The following HTR2C variants were observed in gnomAD, a reference collection of about 807,000 sequenced individuals.
The protein encoded by HTR2C is 5-hydroxytryptamine receptor 2C.
In HTR2C, 5 loss-of-function variants were observed where a neutral mutation model predicts 21.0. That is an observed-to-expected ratio of 0.24 (90% CI 0.12 to 0.50). The LOEUF is 0.50. Among genes scored for constraint, HTR2C ranks in the 20% least tolerant of loss-of-function variants. The pLI, the probability that HTR2C is intolerant of heterozygous loss-of-function variation, is 0.98. For synonymous variants in HTR2C, 150 were observed against 145.3 expected (o/e 1.03, Z -0.23); for missense variants, 271 against 371.2 (o/e 0.73, Z 2.22).
chrX:114,677,698 G>A (rs1292253517), intron 2 of HTR2C, among the ~76,000 whole-genome samples: 2 of 111,640 alleles, frequency 1.8e-5, no homozygotes, highest in Non-Finnish European at 3.8e-5. Flanking sequence ...GGCCTTTAAT[G>A]TATGTAAACA....
chrX:114,845,796 G>A (rs1254968172), intron 4 of HTR2C, among the ~76,000 whole-genome samples: 1 of 108,996 alleles, frequency 9.2e-6, no homozygotes, highest in African/African-American at 3.3e-5. Context: ...GATTACTTGA[G>A]CCTATGAGTT....
intron 2 of HTR2C, among the ~76,000 whole-genome samples, chrX:114,701,034 C>A (rs1214779255): frequency 4.5e-5 from 5 of 112,299 alleles, no homozygotes; most frequent in East Asian, 2.8e-4. Context: ...CCCAGGCTTG[C>A]TTAGGTAAAC....
At chrX:114,606,392 T>G (rs1602632508) in intron 1 of HTR2C, among the ~76,000 whole-genome samples, 1 of 111,800 alleles carries the variant, frequency 8.9e-6, no homozygotes, top group Non-Finnish European at 1.9e-5. Context: ...CTGCGTGGTC[T>G]GACACCCTTG....
intron 4 of HTR2C, among the ~76,000 whole-genome samples, chrX:114,749,453 CAAAAAAAAAAAAAAA>C (rs782652879): frequency 2.9e-4 from 12 of 41,908 alleles, no homozygotes; most frequent in Non-Finnish European, 4.5e-4. Context: ...GTCCATGTCT[CAAAAAAAAAAAAAAA>C]AAAAAAAAGA....
chrX:114,707,798 ACT>A (rs1556418561), intron 2 of HTR2C, among the ~76,000 whole-genome samples: 2 of 109,852 alleles, frequency 1.8e-5, no homozygotes, highest in Non-Finnish European at 3.8e-5. Context: ...TATCATGGAA[ACT>A]CTACCATTTC....
chrX:114,794,192 C>T (rs1462390081), intron 4 of HTR2C, among the ~76,000 whole-genome samples: 7 of 110,959 alleles, frequency 6.3e-5, no homozygotes, highest in African/African-American at 2.3e-4. Flanking sequence ...AACCAAAATG[C>T]CTGCACCTTA....
intron 5 of HTR2C, among the ~76,000 whole-genome samples, chrX:114,868,671 C>T (rs1279849338): frequency 9.0e-6 from 1 of 111,420 alleles, no homozygotes; most frequent in Non-Finnish European, 1.9e-5. Context: ...GTTATTTCTT[C>T]GGGACAGTCC....
At chrX:114,726,197 GT>G (rs1933467162) in intron 2 of HTR2C, among the ~76,000 whole-genome samples, 1 of 112,508 alleles carries the variant, frequency 8.9e-6, no homozygotes, top group African/African-American at 3.2e-5. Flanking sequence ...TCGGAACCAG[GT>G]GCAGGATATA....
chrX:114,677,116 G>C (rs1024538887), intron 2 of HTR2C, among the ~76,000 whole-genome samples: 2 of 111,861 alleles, frequency 1.8e-5, no homozygotes, highest in Non-Finnish European at 3.8e-5. Flanking sequence ...GTTGAAGGGG[G>C]AAATGAGAAG....
At chrX:114,854,812 A>T (rs2070946225) in intron 5 of HTR2C, among the ~76,000 whole-genome samples, 1 of 111,813 alleles carries the variant, frequency 8.9e-6, no homozygotes, top group African/African-American at 3.2e-5. Flanking sequence ...AAATATTTGC[A>T]AACTATACAT....
At chrX:114,684,703 C>CT (rs1305420805) in intron 2 of HTR2C, among the ~76,000 whole-genome samples, 2 of 110,907 alleles carry the variant, frequency 1.8e-5, no homozygotes, top group East Asian at 2.8e-4. Context: ...AGTATTGCAG[C>CT]TTTTTTGCAA....
intron 2 of HTR2C, among the ~76,000 whole-genome samples, chrX:114,683,746 G>C (rs1030722834): frequency 2.4e-4 from 27 of 111,436 alleles, no homozygotes; most frequent in African/African-American, 8.5e-4. Flanking sequence ...TGTGAGTCAA[G>C]ATGGTGCCAC....
intron 2 of HTR2C, among the ~76,000 whole-genome samples, chrX:114,649,874 G>A (rs1250959188): frequency 9.0e-6 from 1 of 111,136 alleles, no homozygotes; most frequent in Non-Finnish European, 1.9e-5. Context: ...CTTGGCCTCC[G>A]AAAGTGCTGG....
intron 2 of HTR2C, among the ~76,000 whole-genome samples, chrX:114,709,319 T>C (rs1304741702): frequency 8.9e-6 from 1 of 112,093 alleles, no homozygotes; most frequent in Non-Finnish European, 1.9e-5. Context: ...ATTTTGTAAA[T>C]TATGTGAAAT....
chrX:114,614,623 A>G (rs1197430154), intron 2 of HTR2C, among the ~76,000 whole-genome samples: 1 of 111,360 alleles, frequency 9.0e-6, no homozygotes, highest in African/African-American at 3.3e-5. Context: ...GTTGTTTTCT[A>G]TGATAAATTT....
chrX:114,840,901 A>G (rs1229238208), intron 4 of HTR2C, among the ~76,000 whole-genome samples: 2 of 111,721 alleles, frequency 1.8e-5, no homozygotes, highest in East Asian at 5.6e-4. Flanking sequence ...TAAAAGAACA[A>G]TGAGTTATAC....
chrX:114,783,578 C>T (rs73222951), intron 4 of HTR2C, among the ~76,000 whole-genome samples: 4 of 111,287 alleles, frequency 3.6e-5, no homozygotes, highest in Non-Finnish European at 7.6e-5. Context: ...ATTTGAAAAA[C>T]ATGACTGACA....
chrX:114,701,474 A>G (rs1556416754), intron 2 of HTR2C, among the ~76,000 whole-genome samples: 1 of 111,912 alleles, frequency 8.9e-6, no homozygotes, highest in African/African-American at 3.2e-5. Flanking sequence ...ACCTCCAGCA[A>G]ACTCCAACAG....
intron 4 of HTR2C, among the ~76,000 whole-genome samples, chrX:114,844,879 A>G (rs1344339388): frequency 8.9e-6 from 1 of 111,979 alleles, no homozygotes; most frequent in Non-Finnish European, 1.9e-5. Flanking sequence ...GAAAAATAAA[A>G]GAATTAATGG....
Sources: allele counts gnomAD v4.1 joint callset (sites outside exome capture counted in the v4.1 genomes callset), GRCh38; gene constraint gnomAD v4.1.1; transcripts MANE v1.5; gene names NCBI Gene and HGNC (gene_info 2026-07-23, HGNC 2026-07-21).